ZER1: variants seen among roughly 807,000 people sequenced by gnomAD.
The protein encoded by ZER1 is zyg-11 related cell cycle regulator.
ZER1 carries 11 observed loss-of-function variants against 78.8 expected under a neutral mutation model. The ratio of observed to expected loss-of-function variants is 0.14; its 90% confidence interval spans 0.09 to 0.23. The LOEUF (loss-of-function observed/expected upper bound fraction) is 0.23. Among genes scored for constraint, ZER1 ranks in the 10% least tolerant of loss-of-function variants. ZER1 has a pLI of 1.00. For synonymous variants in ZER1, 400 were observed against 407.0 expected (o/e 0.98, Z 0.21); for missense variants, 588 against 996.9 (o/e 0.59, Z 5.52).
chr9:128,742,475 G>A (rs1863334779), intron 9 of ZER1, 55 bp downstream of exon 9: 2 of 1,596,770 alleles, frequency 1.3e-6, no homozygotes, highest in East Asian at 2.2e-5. Context: ...AGGGTAGAGG[G>A]GTGGGGGAGA....
chr9:128,761,273 C>T (rs1864036819), intron 1 of ZER1, among the ~76,000 whole-genome samples: 1 of 151,978 alleles, frequency 6.6e-6, no homozygotes, highest in African/African-American at 2.4e-5. Context: ...AAGTACACAA[C>T]ATGGTGGTTA....
rs1283323644 is a variant in ZER1, at chr9:128,746,176, T to C, written c.1360-3431A>G. 2 of 152,154 alleles carry C rather than the reference T, an allele frequency of 1.3e-5. 1 individual carries two copies. The highest frequency in any genetic ancestry group is 1.3e-4 in the Admixed American group (2 of 15,254). 9.4% of individuals were successfully genotyped at this position (152,154 alleles called of 1,614,324 possible). On this transcript the variant is annotated intron_variant, in intron 8 of 15. Transcript: ENST00000291900. ...AATTTTACAAGTGAGGATATATCTT[T>C]TTCCTCTAAGAACAGTTCTAATTGC...
At position 128,729,958 on chromosome 9, in the gene ZER1, A is replaced by C. The variant is rs1862754695; in HGVS notation, c.*1379T>G. 6.5e-6 allele frequency: 1 copy of C among 152,682 alleles called. No homozygotes were observed. The highest frequency in any genetic ancestry group is 1.5e-5 in the Non-Finnish European group (1 of 68,294). The allele number at this position is 152,682 out of a possible 1,614,324, so 9.5% of individuals were successfully genotyped here. The stretch of plus-strand genomic sequence containing the variant: ...AGCCCATCTGCCAAGCTGGGGGAAC[A>C]CAGGGCTGCGCCCACTTCCCAGGGC... On this transcript the variant is annotated 3_prime_UTR_variant, in exon 16 of 16. Coordinates refer to ENST00000291900, the MANE Select transcript of ZER1 (RefSeq NM_006336.4).
intron 8 of ZER1, among the ~76,000 whole-genome samples, chr9:128,746,701 T>C (rs1381248197): frequency 6.6e-6 from 1 of 151,840 alleles, no homozygotes; most frequent in Non-Finnish European, 1.5e-5. Flanking sequence ...AATGGTACCA[T>C]CTCGGCTCAC....
rs1863242460 is a variant in ZER1, at chr9:128,740,203, A to G, written c.1854-84T>C. 3 of 1,346,132 alleles carry G rather than the reference A, an allele frequency of 2.2e-6. No individual in the cohort carries two copies. Among genetic ancestry groups the G allele is most frequent in the African/African-American group, 1.5e-5 (1 of 67,944 alleles). The allele number at this position is 1,346,132 out of a possible 1,614,324, so 83.4% of individuals were successfully genotyped here. ...AGCGGCAGGACCCCAACTTAAAACC[A>G]GAAGCAAGAGGTGCTACTTATTTCT... is the stretch of plus-strand genomic sequence containing the variant. On this transcript the variant is annotated intron_variant, in intron 12 of 15. Coordinates refer to ENST00000291900, the MANE Select transcript of ZER1 (RefSeq NM_006336.4). The surrounding 1 kb of genome is among the most constrained non-coding windows in gnomAD (Gnocchi z 4.4).
Position 128,741,830 on chromosome 9 carries a change from C to A in ZER1, c.1587G>T (p.Lys529Asn). ...GKMGFVVTML[K>N]LIQKKLLDKT... ...TGTCCAGCAGCTTCTTCTGAATCAG[C>A]TTCAGCATGGTCTGCAGGCAGGGAC... The change falls in exon 10 of 16, where the codon AAG becomes AAT. Residue 529 changes from lysine to asparagine, a missense_variant. By Grantham distance (94) the Lys-to-Asn change is moderately conservative (BLOSUM62 0). This residue lies in a region of ZER1 where 60 missense variants were observed against 163.3 expected (regional missense o/e 0.37). Transcript: ENST00000291900. 1 of 1,614,218 alleles carries A rather than the reference C, an allele frequency of 6.2e-7. No homozygotes were observed. Among genetic ancestry groups the A allele is most frequent in the Non-Finnish European group, 8.5e-7 (1 of 1,180,022 alleles).
chr9:128,737,199 G>A (rs1188181956), intron 13 of ZER1, among the ~76,000 whole-genome samples: 1 of 151,780 alleles, frequency 6.6e-6, no homozygotes, highest in Non-Finnish European at 1.5e-5. Flanking sequence ...GCCCAGGCTG[G>A]TTTCAAACTC....
intron 13 of ZER1, among the ~76,000 whole-genome samples, chr9:128,736,981 T>G (rs1231279946): frequency 6.6e-6 from 1 of 151,678 alleles, no homozygotes; most frequent in African/African-American, 2.4e-5. Flanking sequence ...CCGTCTCCAC[T>G]AAAGTACAAA....
At position 128,771,888 on chromosome 9, in the gene ZER1, G is replaced by C. The variant is rs2132507960; in HGVS notation, c.-402C>G. ...TCCCCCGATCCGGCTCCTACGGCTC[G>C]GAGCCTGCAGCCGCCGCCGCCTCCG... On this transcript the variant is annotated 5_prime_UTR_variant, in exon 1 of 16. Transcript: ENST00000291900. 6.6e-6 allele frequency: 1 copy of C among 152,438 alleles called. No individual in the cohort carries two copies. Among genetic ancestry groups the C allele is most frequent in the South Asian group, 2.1e-4 (1 of 4,828 alleles). The allele number at this position is 152,438 out of a possible 1,614,324, so 9.4% of individuals were successfully genotyped here.
At chr9:128,743,649 G>C (rs371279126) in intron 8 of ZER1, among the ~76,000 whole-genome samples, 1 of 151,894 alleles carries the variant, frequency 6.6e-6, no homozygotes, top group African/African-American at 2.4e-5. Context: ...CTACTTCCTG[G>C]GTTCAAGAGA....
rs1169395075 is a variant in ZER1 at position 128,751,627 on chromosome 9, G to A, written c.924-100C>T. On this transcript the variant is annotated intron_variant, in intron 5 of 15. Coordinates refer to ENST00000291900, the MANE Select transcript of ZER1 (RefSeq NM_006336.4). The surrounding 1 kb of genome is among the most constrained non-coding windows in gnomAD (Gnocchi z 5.4). ...GGCATTTCCTTGCTTTCTCTTCTAG[G>A]CCCTCCAACCTCATCCCCTACTCCT... The A allele has an allele frequency of 3.1e-6, 3 of 953,280 alleles. No individual in the cohort carries two copies. The highest frequency in any genetic ancestry group is 4.9e-6 in the Non-Finnish European group (3 of 614,372). The allele number at this position is 953,280 out of a possible 1,614,324, so 59.1% of individuals were successfully genotyped here. A position where few individuals can be genotyped will look rare whatever the true frequency, so the allele number is the denominator to read the frequency against.
chr9:128,741,468 G>A, intron 11 of ZER1, 67 bp downstream of exon 11: 1 of 1,610,556 alleles, frequency 6.2e-7, no homozygotes, highest in Middle Eastern at 1.7e-4. Flanking sequence ...TTGGTGGGGA[G>A]CCTAGGGACA....
rs1589507444 is a variant in ZER1, at chr9:128,730,038, A to G, written c.*1299T>C. On this transcript the variant is annotated 3_prime_UTR_variant, in exon 16 of 16. Transcript: ENST00000291900. Reference sequence around the variant, plus strand: ...CCAGGTGTCTCTCCCAAAGCTGCTCACCCCTGCCGTCCTGCCTGGAGGCAG... The same window carrying G: ...CCAGGTGTCTCTCCCAAAGCTGCTCGCCCCTGCCGTCCTGCCTGGAGGCAG... 1 of 152,230 alleles carries G rather than the reference A, an allele frequency of 6.6e-6. No homozygotes were observed. Among genetic ancestry groups the G allele is most frequent in the African/African-American group, 2.4e-5 (1 of 41,448 alleles). 9.4% of individuals were successfully genotyped at this position (152,230 alleles called of 1,614,324 possible).
rs535056384 is a variant in ZER1 at position 128,742,605 on chromosome 9, C to T, written c.1500G>A (p.Val500=). 3 of 1,614,236 alleles carry T rather than the reference C, an allele frequency of 1.9e-6. No homozygotes were observed. The highest frequency in any genetic ancestry group is 2.2e-5 in the East Asian group (1 of 44,874). The change falls in exon 9 of 16, where the codon GTG becomes GTA. Residue 500 remains valine, a synonymous_variant. Coordinates refer to ENST00000291900, the MANE Select transcript of ZER1 (RefSeq NM_006336.4). ...RQDESIQRIA[V]HLCNALVCQV... ...GGCAGACCAGGGCATTGCACAGGTG[C>T]ACGGCGATCCGCTGGATAGACTCGT...
chr9:128,740,855 A>G lies in ZER1; in HGVS notation c.1770T>C (p.Asn590=), dbSNP rs763052176. ...CCACATTCCCCAAAAGTCCTAGCAT[A>G]TTCCTATGCAGTTCCTGCTTCTCTG... ...EFPEKQELHR[N]MLGLLGNVAE... The change falls in exon 12 of 16, where the codon AAT becomes AAC. Residue 590 remains asparagine (N), a synonymous_variant. Coordinates refer to ENST00000291900, the MANE Select transcript of ZER1 (RefSeq NM_006336.4). The surrounding 1 kb of genome is among the most constrained non-coding windows in gnomAD (Gnocchi z 4.4). 3.8e-6 allele frequency: 3 copies of G among 780,968 alleles called. No individual in the cohort carries two copies. Among genetic ancestry groups the G allele is most frequent in the Non-Finnish European group, 7.2e-6 (3 of 418,144 alleles). 48.4% of individuals were successfully genotyped at this position (780,968 alleles called of 1,614,324 possible). A position where few individuals can be genotyped will look rare whatever the true frequency, so the allele number is the denominator to read the frequency against.
Position 128,742,891 on chromosome 9 carries a change from T to C in ZER1, c.1360-146A>G, listed in dbSNP as rs1160662706. The C allele has an allele frequency of 7.9e-6, 6 of 760,676 alleles. No individual in the cohort carries two copies. In the East Asian group the frequency reaches 1.1e-4, roughly 14 times the overall value. The allele number at this position is 760,676 out of a possible 1,614,324, so 47.1% of individuals were successfully genotyped here. A position where few individuals can be genotyped will look rare whatever the true frequency, so the allele number is the denominator to read the frequency against. ...AAGAGGAGGCTATACAAGTCTTCTCTAAAAAATGTTTTTTAAAAATGTGAA... is the reference window on the plus strand; with the variant it reads ...AAGAGGAGGCTATACAAGTCTTCTCCAAAAAATGTTTTTTAAAAATGTGAA... On this transcript the variant is annotated intron_variant, in intron 8 of 15. Transcript: ENST00000291900.
Position 128,732,914 on chromosome 9 carries a change from G to A in ZER1, c.2243+512C>T, listed in dbSNP as rs1462133633. 6.3e-6 allele frequency: 1 copy of A among 158,536 alleles called. No individual in the cohort carries two copies. Among genetic ancestry groups the A allele is most frequent in the African/African-American group, 2.4e-5 (1 of 41,626 alleles). The allele number at this position is 158,536 out of a possible 1,614,324, so 9.8% of individuals were successfully genotyped here. ...CATCCCTGAGAGTCTCTCGTGTCCT[G>A]ATCAACTCGAGAACTGGAGGCGGTG... On this transcript the variant is annotated intron_variant, in intron 15 of 15. Coordinates refer to ENST00000291900, the MANE Select transcript of ZER1 (RefSeq NM_006336.4). The surrounding 1 kb of genome is among the most constrained non-coding windows in gnomAD (Gnocchi z 4.8).
chr9:128,743,189 C>T (rs1161896975), intron 8 of ZER1, among the ~76,000 whole-genome samples: 1 of 151,836 alleles, frequency 6.6e-6, no homozygotes, highest in Non-Finnish European at 1.5e-5. Context: ...CCTATCTCGG[C>T]TCACTGCAAC....
Position 128,753,386 on chromosome 9 carries a change from C to T in ZER1, c.524G>A (p.Ser175Asn), listed in dbSNP as rs777957854. The change falls in exon 4 of 16, where the codon AGC becomes AAC. Residue 175 changes from serine to asparagine, a missense_variant. Coordinates refer to ENST00000291900, the MANE Select transcript of ZER1 (RefSeq NM_006336.4). The surrounding 1 kb of genome is among the most constrained non-coding windows in gnomAD (Gnocchi z 7.5). ...LVKDFTFEGF[S>N]RLRFLNLGRM... ...GCCCAAGTTGAGGAAGCGGAGGCGGCTGAAGCCCTCGAAGGTGAAATCCTT... is the reference window on the plus strand; with the variant it reads ...GCCCAAGTTGAGGAAGCGGAGGCGGTTGAAGCCCTCGAAGGTGAAATCCTT... 6.2e-7 allele frequency: 1 copy of T among 1,614,068 alleles called. No homozygotes were observed. Among genetic ancestry groups the T allele is most frequent in the Non-Finnish European group, 8.5e-7 (1 of 1,179,984 alleles).
Sources: allele counts gnomAD v4.1 joint callset (sites outside exome capture counted in the v4.1 genomes callset), GRCh38; gene constraint gnomAD v4.1.1; regional missense constraint gnomAD v4.1.1; non-coding constraint Gnocchi (gnomAD v3.1); transcripts MANE v1.5; gene names NCBI Gene and HGNC (gene_info 2026-07-23, HGNC 2026-07-21).